Variants in FOXP1 observed in about 807,000 individuals in gnomAD.
FOXP1 encodes forkhead box protein P1.
A neutral mutation model predicts 98.2 loss-of-function variants in FOXP1; 15 were observed. The observed-to-expected ratio is 0.15, with a 90% confidence interval of 0.10 to 0.24. The LOEUF (loss-of-function observed/expected upper bound fraction) is 0.24. FOXP1 is among the 10% of genes least tolerant of loss of function. The pLI, the probability that FOXP1 is intolerant of heterozygous loss-of-function variation, is 1.00. For missense variants in FOXP1, 633 were observed against 848.5 expected, an observed-to-expected ratio of 0.75 and a Z score of 3.15; for synonymous variants, 371 against 314.5, an observed-to-expected ratio of 1.18 and a Z score of -1.90.
chr3:71,348,827 G>C (rs987150278), intron 4 of FOXP1, among the ~76,000 whole-genome samples: 1 of 152,122 alleles, frequency 6.6e-6, no homozygotes, highest in Non-Finnish European at 1.5e-5. Context: ...TGTGTGCTAA[G>C]AAAGTAAAGA....
At chr3:71,550,963 C>A (rs936939414) in intron 2 of FOXP1, among the ~76,000 whole-genome samples, 1 of 152,126 alleles carries the variant, frequency 6.6e-6, no homozygotes, top group East Asian at 1.9e-4. Context: ...CCAGACTTCA[C>A]GGAGTTGGGT....
At chr3:71,106,201 A>G (rs1305285682) in intron 7 of FOXP1, among the ~76,000 whole-genome samples, 1 of 152,356 alleles carries the variant, frequency 6.6e-6, no homozygotes, top group East Asian at 1.9e-4. Flanking sequence ...CACTGACTAA[A>G]CATTCATTAT....
intron 3 of FOXP1, among the ~76,000 whole-genome samples, chr3:71,424,396 T>C (rs1246599999): frequency 6.6e-6 from 1 of 152,132 alleles, no homozygotes; most frequent in Non-Finnish European, 1.5e-5. Flanking sequence ...ATCCCCACCA[T>C]AACCTTGCAA....
intron 3 of FOXP1, among the ~76,000 whole-genome samples, chr3:71,440,244 C>A (rs1452136779): frequency 1.3e-5 from 2 of 152,122 alleles, no homozygotes; most frequent in East Asian, 3.9e-4. Context: ...ATGATAAATT[C>A]TGTTATGTGT....
intron 11 of FOXP1, among the ~76,000 whole-genome samples, chr3:71,026,054 C>A (rs1475580307): frequency 1.3e-5 from 2 of 152,158 alleles, no homozygotes; most frequent in African/African-American, 4.8e-5. Flanking sequence ...ATGAGAAAAA[C>A]CTATGAAAAC....
At chr3:71,564,571 CG>C (rs1276985678) in intron 2 of FOXP1, among the ~76,000 whole-genome samples, 2 of 152,146 alleles carry the variant, frequency 1.3e-5, no homozygotes, top group African/African-American at 4.8e-5. Flanking sequence ...AGTCGCTGCC[CG>C]TAACTACCAC....
chr3:71,161,933 ACATT>A (rs1267243145), intron 6 of FOXP1, among the ~76,000 whole-genome samples: 1 of 152,236 alleles, frequency 6.6e-6, no homozygotes, highest in Non-Finnish European at 1.5e-5. Context: ...AACTGAGCCA[ACATT>A]CCACATCACA....
Position 70,958,161 on chromosome 3 carries a change from T to C in FOXP1, c.*1086A>G, listed in dbSNP as rs1427142428. On this transcript the variant is annotated 3_prime_UTR_variant, in exon 21 of 21. Transcript: ENST00000649528. Reference sequence around the variant, plus strand: ...CAGTGCTGCCTATGTTTCCTTGTGCTGGTAGAATGTGGTGGCATTTATTAA... The same window carrying C: ...CAGTGCTGCCTATGTTTCCTTGTGCCGGTAGAATGTGGTGGCATTTATTAA... 1 of 371,148 alleles carries C rather than the reference T, an allele frequency of 2.7e-6. No individual in the cohort carries two copies. Among genetic ancestry groups the C allele is most frequent in the East Asian group, 4.6e-5 (1 of 21,710 alleles). The allele number at this position is 371,148 out of a possible 1,614,324, so 23.0% of individuals were successfully genotyped here. A position where few individuals can be genotyped will look rare whatever the true frequency, so the allele number is the denominator to read the frequency against.
At chr3:71,455,142 G>C (rs571475747) in intron 3 of FOXP1, among the ~76,000 whole-genome samples, 4 of 151,934 alleles carry the variant, frequency 2.6e-5, no homozygotes, top group Non-Finnish European at 5.9e-5. Context: ...GTGCATTCTC[G>C]GTAACACATG....
At chr3:71,357,662 G>C (rs1238927910) in intron 4 of FOXP1, among the ~76,000 whole-genome samples, 1 of 152,182 alleles carries the variant, frequency 6.6e-6, no homozygotes, top group African/African-American at 2.4e-5. Context: ...TAAGGCTACA[G>C]GGAAAGTGCT....
chr3:70,958,510 G>C lies in FOXP1; in HGVS notation c.*737C>G. Reference sequence around the variant, plus strand: ...AGCTACAAACGAGAAATGACATTCAGCTTTGTATAATAAAAACACCTATTA... The same window carrying C: ...AGCTACAAACGAGAAATGACATTCACCTTTGTATAATAAAAACACCTATTA... On this transcript the variant is annotated 3_prime_UTR_variant, in exon 21 of 21. Coordinates refer to ENST00000649528, the MANE Select transcript of FOXP1 (RefSeq NM_001349338.3). The C allele has an allele frequency of 2.8e-6, 1 of 360,580 alleles. No individual in the cohort carries two copies. 22.3% of individuals were successfully genotyped at this position (360,580 alleles called of 1,614,324 possible). A position where few individuals can be genotyped will look rare whatever the true frequency, so the allele number is the denominator to read the frequency against.
At chr3:71,281,990 C>T (rs1440428365) in intron 5 of FOXP1, among the ~76,000 whole-genome samples, 1 of 151,118 alleles carries the variant, frequency 6.6e-6, no homozygotes, top group South Asian at 2.1e-4. Flanking sequence ...CACCTGTAAT[C>T]CCAGCTACTC....
intron 3 of FOXP1, among the ~76,000 whole-genome samples, chr3:71,367,308 T>C (rs1005380983): frequency 1.3e-5 from 2 of 152,076 alleles, no homozygotes; most frequent in African/African-American, 4.8e-5. Flanking sequence ...TCAGTGTCTC[T>C]CTCACATACA....
chr3:71,532,855 A>G (rs1250234345), intron 2 of FOXP1, among the ~76,000 whole-genome samples: 1 of 152,154 alleles, frequency 6.6e-6, no homozygotes, highest in Non-Finnish European at 1.5e-5. Flanking sequence ...TAACTTCATA[A>G]TTTGTTTTTA....
chr3:70,974,623 A>G (rs2037107193), intron 17 of FOXP1, among the ~76,000 whole-genome samples: 1 of 152,254 alleles, frequency 6.6e-6, no homozygotes, highest in Non-Finnish European at 1.5e-5. Flanking sequence ...GCCCAAAGGC[A>G]TACAATAGAA....
intron 5 of FOXP1, among the ~76,000 whole-genome samples, chr3:71,255,549 C>T (rs2107115935): frequency 6.6e-6 from 1 of 152,158 alleles, no homozygotes; most frequent in East Asian, 1.9e-4. Flanking sequence ...AGGTCATTTA[C>T]TGGTTGAGCT....
At chr3:71,055,664 A>T (rs1248815178) in intron 7 of FOXP1, among the ~76,000 whole-genome samples, 1 of 152,194 alleles carries the variant, frequency 6.6e-6, no homozygotes, top group Admixed American at 6.5e-5. Flanking sequence ...CTTCATACAG[A>T]AGAAACTTTT....
chr3:71,385,684 A>G (rs1404048223), intron 3 of FOXP1, among the ~76,000 whole-genome samples: 1 of 152,220 alleles, frequency 6.6e-6, no homozygotes, highest in Non-Finnish European at 1.5e-5. Flanking sequence ...GTATACAAAC[A>G]TGAATATGTA....
At chr3:71,123,950 A>G (rs984655635) in intron 6 of FOXP1, among the ~76,000 whole-genome samples, 3 of 152,148 alleles carry the variant, frequency 2.0e-5, no homozygotes, top group African/African-American at 7.2e-5. Context: ...GCTTTGAGGT[A>G]AATTATACCC....
Sources: gnomAD v4.1 joint callset for allele counts (sites outside exome capture counted in the v4.1 genomes callset) on GRCh38, gnomAD v4.1.1 for gene constraint, MANE v1.5 for transcripts, NCBI Gene and HGNC (gene_info 2026-07-23, HGNC 2026-07-21) for gene names.